The following INO80 variants were observed in gnomAD, a reference collection of about 807,000 sequenced individuals.
INO80 encodes the protein INO80 complex ATPase subunit.
In INO80, 20 loss-of-function variants were observed where a neutral mutation model predicts 203.4. That is an observed-to-expected ratio of 0.10 (90% CI 0.07 to 0.14). The LOEUF is 0.14. Ranked by LOEUF, INO80 falls within the 10% of genes least tolerant of loss-of-function variation. The probability of loss-of-function intolerance (pLI) is 1.00; values close to 1 mark genes in which losing one functional copy is unlikely to be tolerated. For synonymous variants in INO80, 726 were observed against 685.2 expected (o/e 1.06, Z -0.93); for missense variants, 1,419 against 1,914.4 (o/e 0.74, Z 4.83).
At chr15:41,022,221 A>C (rs2044304836) in intron 25 of INO80, among the ~76,000 whole-genome samples, 1 of 152,226 alleles carries the variant, frequency 6.6e-6, no homozygotes, top group Non-Finnish European at 1.5e-5. Context: ...CATGGGGAGA[A>C]ACAGCGTATG....
intron 1 of INO80, among the ~76,000 whole-genome samples, chr15:41,104,729 G>A (rs183269119): frequency 2.8e-4 from 42 of 151,826 alleles, no homozygotes; most frequent in Non-Finnish European, 4.0e-4. Flanking sequence ...TAGTAGAGAC[G>A]AGGTTTCACC....
At chr15:41,091,921 G>A in intron 5 of INO80, 106 bp downstream of exon 5, 1 of 881,828 alleles carries the variant, frequency 1.1e-6, no homozygotes, top group Non-Finnish European at 1.7e-6. Flanking sequence ...CAAAGTGCTG[G>A]GATTATAGGT....
Position 40,983,919 on chromosome 15 carries a change from G to A in INO80, c.4080C>T (p.Ile1360=), listed in dbSNP as rs752577119. 9 of 1,613,316 alleles carry A rather than the reference G, an allele frequency of 5.6e-6. No individual in the cohort carries two copies. The East Asian group carries it at 1.6e-4, about 28-fold the overall frequency. The change falls in exon 34 of 36, where the codon ATC becomes ATT. Residue 1360 remains isoleucine (I), a splice_region_variant and synonymous_variant. Coordinates refer to ENST00000648947, the MANE Select transcript of INO80 (RefSeq NM_017553.3). ...DSAMPSPFSE[I]SISSELHTGS... ...CAGTGTGCAGCTCACTGCTGATGGA[G>A]ATCTAGAAGAGGAAGGGTTAAGATC...
intron 7 of INO80, among the ~76,000 whole-genome samples, chr15:41,081,294 A>G (rs899932120): frequency 2.0e-5 from 3 of 152,214 alleles, no homozygotes; most frequent in Admixed American, 6.5e-5. Flanking sequence ...GATGCCTTAA[A>G]TAGTCTTCTG....
intron 1 of INO80, among the ~76,000 whole-genome samples, chr15:41,101,694 C>T (rs950998763): frequency 6.6e-6 from 1 of 151,016 alleles, no homozygotes; most frequent in African/African-American, 2.4e-5. Context: ...GGACTGCAGG[C>T]GCCCGCCACA....
intron 7 of INO80, among the ~76,000 whole-genome samples, chr15:41,083,613 C>A (rs138998608): frequency 6.8e-6 from 1 of 146,976 alleles, no homozygotes; most frequent in African/African-American, 2.5e-5. Context: ...ACTTGGGAGG[C>A]AGAAGTGGGA....
intron 19 of INO80, among the ~76,000 whole-genome samples, chr15:41,050,395 T>C (rs1221767894): frequency 4.6e-5 from 7 of 152,178 alleles, no homozygotes; most frequent in Non-Finnish European, 1.0e-4. Flanking sequence ...TTCCCAAACA[T>C]AACCCAGGCC....
intron 29 of INO80, among the ~76,000 whole-genome samples, chr15:40,992,433 G>A (rs1314864527): frequency 1.3e-5 from 2 of 152,156 alleles, no homozygotes; most frequent in African/African-American, 4.8e-5. Context: ...AACCAAGTAG[G>A]CCAGATAGAG....
intron 7 of INO80, among the ~76,000 whole-genome samples, chr15:41,084,086 C>G (rs894121429): frequency 6.6e-6 from 1 of 151,894 alleles, no homozygotes; most frequent in Non-Finnish European, 1.5e-5. Context: ...ATGAAATATC[C>G]TGTTCCTATC....
intron 24 of INO80, among the ~76,000 whole-genome samples, chr15:41,035,691 G>A (rs56829576): frequency 0.043 from 6,445 of 150,538 alleles, 325 homozygotes; most frequent in African/African-American, 0.12. Context: ...GTGTGGTGGC[G>A]GGCACCTGTA....
chr15:40,980,849 T>C (rs920218906), intron 35 of INO80, among the ~76,000 whole-genome samples: 1 of 152,210 alleles, frequency 6.6e-6, no homozygotes, highest in East Asian at 1.9e-4. Flanking sequence ...CTTTTCAATT[T>C]CATGCTCCTG....
At chr15:41,075,396 C>A (rs1198304596) in intron 9 of INO80, among the ~76,000 whole-genome samples, 1 of 151,642 alleles carries the variant, frequency 6.6e-6, no homozygotes, top group Non-Finnish European at 1.5e-5. Context: ...CTTGCTCTCC[C>A]AAGTAGCTGG....
intron 10 of INO80, 38 bp from the exon 11 acceptor site, chr15:41,073,533 A>G: frequency 7.3e-6 from 11 of 1,507,164 alleles, no homozygotes; most frequent in African/African-American, 1.4e-5. Flanking sequence ...CACTTTATCA[A>G]CTGATTTTGT....
chr15:40,984,077 AC>A (rs1213489860), intron 33 of INO80, 119 bp downstream of exon 33: 1 of 1,342,484 alleles, frequency 7.4e-7, no homozygotes, highest in Non-Finnish European at 1.0e-6. Flanking sequence ...CTCATGTGCA[AC>A]CTACTTCAAC....
At chr15:41,063,108 G>A (rs12148862) in intron 14 of INO80, among the ~76,000 whole-genome samples, 10,807 of 151,926 alleles carry the variant, frequency 0.071, 539 homozygotes, top group South Asian at 0.22. Flanking sequence ...AAGCTAAGGT[G>A]GGCAGATTAC....
chr15:41,054,650 T>G (rs1329853218), intron 18 of INO80, among the ~76,000 whole-genome samples: 1 of 152,170 alleles, frequency 6.6e-6, no homozygotes, highest in Non-Finnish European at 1.5e-5. Context: ...AATATGAATT[T>G]TCTTTTGAGA....
chr15:40,985,180 G>T (rs1394119088), intron 32 of INO80, among the ~76,000 whole-genome samples, 158 bp downstream of exon 32: 2 of 152,146 alleles, frequency 1.3e-5, no homozygotes. Context: ...CATTTCTCCT[G>T]AGCAAAGCGT....
chr15:40,991,964 G>C (rs959846673), intron 29 of INO80, among the ~76,000 whole-genome samples: 15 of 152,138 alleles, frequency 9.9e-5, no homozygotes, highest in Non-Finnish European at 1.6e-4. Flanking sequence ...TTTTTAGAGA[G>C]ACGGGGTTTC....
chr15:41,092,193 T>C lies in INO80; in HGVS notation c.382-11A>G. ...ACTTAGCAGAATGCTCTGAAAAGGG[T>C]GAAAATAGAAATGTATCTTTTGCTG... On this transcript the variant is annotated splice_polypyrimidine_tract_variant and intron_variant, in intron 4 of 35. Transcript: ENST00000648947. 2 of 1,569,122 alleles carry C rather than the reference T, an allele frequency of 1.3e-6. No individual in the cohort carries two copies. Among genetic ancestry groups the C allele is most frequent in the Non-Finnish European group, 1.7e-6 (2 of 1,146,260 alleles).
Sources: gnomAD v4.1 joint callset for allele counts (sites outside exome capture counted in the v4.1 genomes callset) on GRCh38, gnomAD v4.1.1 for gene constraint, MANE v1.5 for transcripts, NCBI Gene and HGNC (gene_info 2026-07-23, HGNC 2026-07-21) for gene names.